The following MGST1 variants were observed in gnomAD, a reference collection of about 807,000 sequenced individuals.
MGST1 encodes glutathione S-transferase 12.
MGST1 carries 5 observed loss-of-function variants against 8.9 expected under a neutral mutation model. The ratio of observed to expected loss-of-function variants is 0.56; its 90% CI spans 0.29 to 1.19. The LOEUF is 1.19. MGST1 is among the 50% of genes most tolerant of loss of function. The pLI is 0.08. For missense variants in MGST1, 182 were observed against 187.4 expected, an observed-to-expected ratio of 0.97 and a Z score of 0.17; for synonymous variants, 54 against 67.8, an observed-to-expected ratio of 0.80 and a Z score of 1.00.
intron 4 of MGST1, among the ~76,000 whole-genome samples, chr12:16,465,901 A>G (rs1306272312): frequency 1.3e-5 from 2 of 151,924 alleles, no homozygotes; most frequent in African/African-American, 4.8e-5. Flanking sequence ...TTTGTTCCCA[A>G]CTCAGTTACA....
At chr12:16,368,554 G>A (rs553092064), downstream of MGST1, among the ~76,000 whole-genome samples, 12 of 152,226 alleles carry the variant, frequency 7.9e-5, no homozygotes, top group African/African-American at 2.6e-4. Flanking sequence ...CTTTCAGGGT[G>A]CTTTATTCAC....
chr12:16,533,208 C>T (rs1039293728), intron 4 of MGST1, among the ~76,000 whole-genome samples: 1 of 152,078 alleles, frequency 6.6e-6, no homozygotes, highest in African/African-American at 2.4e-5. Flanking sequence ...CATTTTTGTT[C>T]ATTTCACTAG....
At chr12:16,508,485 TACAG>T (rs1941555579) in intron 4 of MGST1, among the ~76,000 whole-genome samples, 1 of 152,228 alleles carries the variant, frequency 6.6e-6, no homozygotes, top group South Asian at 2.1e-4. Context: ...CCTGGTGCAG[TACAG>T]ACAGTTTATA....
intron 4 of MGST1, among the ~76,000 whole-genome samples, chr12:16,518,231 C>T (rs1379692671): frequency 6.6e-6 from 1 of 152,214 alleles, no homozygotes; most frequent in East Asian, 1.9e-4. Context: ...CACTTCCTCT[C>T]TTCCTGTGCT....
intron 4 of MGST1, among the ~76,000 whole-genome samples, chr12:16,469,689 T>C (rs1941280309): frequency 6.6e-6 from 1 of 152,240 alleles, no homozygotes; most frequent in South Asian, 2.1e-4. Context: ...TGGTCTTCAC[T>C]GTAAGAGAAG....
intron 1 of MGST1, among the ~76,000 whole-genome samples, chr12:16,388,706 CACTT>C (rs139269262): frequency 4.3e-4 from 65 of 152,294 alleles, no homozygotes; most frequent in Non-Finnish European, 8.5e-4. Context: ...ACACTGGAAA[CACTT>C]AGTGGAACCC....
chr12:16,380,551 CT>C (rs1427688595), downstream of MGST1, among the ~76,000 whole-genome samples: 1 of 152,088 alleles, frequency 6.6e-6, no homozygotes, highest in Non-Finnish European at 1.5e-5. Flanking sequence ...CTGAGGGGTG[CT>C]TTACTTCCAA....
At chr12:16,405,430 C>G (rs893907039) in intron 1 of MGST1, among the ~76,000 whole-genome samples, 13 of 151,700 alleles carry the variant, frequency 8.6e-5, no homozygotes, top group South Asian at 6.3e-4. Flanking sequence ...ATGAACAGCC[C>G]ACCAACCAAA....
At chr12:16,566,337 C>T (rs949418625) in intron 4 of MGST1, among the ~76,000 whole-genome samples, 1 of 151,642 alleles carries the variant, frequency 6.6e-6, no homozygotes, top group Non-Finnish European at 1.5e-5. Flanking sequence ...TGTTATTGCA[C>T]AGTAGGGTGA....
intron 4 of MGST1, among the ~76,000 whole-genome samples, chr12:16,516,745 C>T (rs2137185282): frequency 6.6e-6 from 1 of 152,170 alleles, no homozygotes; most frequent in East Asian, 1.9e-4. Context: ...TCAGAAATGA[C>T]CTCCCTGAGC....
At chr12:16,569,837 A>G (rs1402148344) in intron 4 of MGST1, among the ~76,000 whole-genome samples, 1 of 152,170 alleles carries the variant, frequency 6.6e-6, no homozygotes, top group Non-Finnish European at 1.5e-5. Flanking sequence ...AGTAAAATAA[A>G]GGATAACACA....
rs554444618 is a variant in MGST1 at position 16,537,441 on chromosome 12, C to T, written n.483-52087C>T. Among the ~76,000 whole-genome samples the T allele has an allele frequency of 1.3e-5, 2 of 152,266 alleles. No individual in the cohort carries two copies. Among genetic ancestry groups the T allele is most frequent in the Admixed American group, 6.5e-5 (1 of 15,294 alleles). On this transcript the variant is annotated intron_variant and non_coding_transcript_variant, in intron 4 of 4. Coordinates refer to the MGST1 transcript ENST00000538857. This position sits in a 1 kb window ranked among gnomAD's most constrained non-coding sequence, Gnocchi z 4.6. ...CATTCTGGGATCTGGAGCATGGTGG[C>T]CCTCTTCTCACAGCTCCACTAGGAG...
chr12:16,368,763 G>T (rs1177663025), downstream of MGST1, among the ~76,000 whole-genome samples: 2 of 152,088 alleles, frequency 1.3e-5, no homozygotes, highest in Admixed American at 1.3e-4. Context: ...AATTCAGAAA[G>T]CCCTGACAGC....
chr12:16,475,445 A>T (rs1217405695), intron 4 of MGST1, among the ~76,000 whole-genome samples: 1 of 152,218 alleles, frequency 6.6e-6, no homozygotes, highest in African/African-American at 2.4e-5. Context: ...TTATTAATAG[A>T]TTAATGATTC....
At chr12:16,528,597 A>G (rs1941703451) in intron 4 of MGST1, among the ~76,000 whole-genome samples, 1 of 152,024 alleles carries the variant, frequency 6.6e-6, no homozygotes, top group South Asian at 2.1e-4. Flanking sequence ...TTACTTTATA[A>G]TCATATTGTC....
chr12:16,560,508 GGCAGC>G lies in MGST1; in HGVS notation n.483-29015_483-29011del. The G allele has an allele frequency of 6.2e-7, 1 of 1,613,636 alleles. No individual in the cohort carries two copies. The highest frequency in any genetic ancestry group is 8.5e-7 in the Non-Finnish European group (1 of 1,179,808). On this transcript the variant is annotated intron_variant and non_coding_transcript_variant, in intron 4 of 4. Coordinates refer to the MGST1 transcript ENST00000538857. The surrounding 1 kb of genome is among the most constrained non-coding windows in gnomAD (Gnocchi z 5.0). ...CAAAGGCAGGGATGAGCTTACTACAGGCAGCGCAGTTTCCCGTTACACCAAAGAGC... is the reference window on the plus strand; with the variant it reads ...CAAAGGCAGGGATGAGCTTACTACAGGCAGTTTCCCGTTACACCAAAGAGC...
chr12:16,364,116 T>C lies in MGST1; in HGVS notation c.*75T>C. On this transcript the variant is annotated 3_prime_UTR_variant, in exon 4 of 4. Transcript: ENST00000396210. This position sits in a 1 kb window ranked among gnomAD's most constrained non-coding sequence, Gnocchi z 5.7. ...TTCCAATTTATAATGAATACTTTCT[T>C]AGATTTTAGGTAGGAGGGGAGCAGA... The C allele has an allele frequency of 6.7e-7, 1 of 1,497,074 alleles. No individual in the cohort carries two copies. Among genetic ancestry groups the C allele is most frequent in the South Asian group, 1.4e-5 (1 of 70,888 alleles). 92.7% of individuals were successfully genotyped at this position (1,497,074 alleles called of 1,614,324 possible). A position where few individuals can be genotyped will look rare whatever the true frequency, so the allele number is the denominator to read the frequency against.
chr12:16,570,082 C>T (rs1942762306), intron 4 of MGST1, among the ~76,000 whole-genome samples: 1 of 152,148 alleles, frequency 6.6e-6, no homozygotes, highest in South Asian at 2.1e-4. Context: ...GTTTCAGCCA[C>T]AGTACAATTA....
intron 4 of MGST1, among the ~76,000 whole-genome samples, chr12:16,539,498 A>G (rs1941780466): frequency 6.6e-6 from 1 of 152,104 alleles, no homozygotes; most frequent in South Asian, 2.1e-4. Context: ...TCCACAACAA[A>G]TGACCACCTC....
Sources: allele counts gnomAD v4.1 joint callset (sites outside exome capture counted in the v4.1 genomes callset), GRCh38; gene constraint gnomAD v4.1.1; non-coding constraint Gnocchi (gnomAD v3.1); transcripts MANE v1.5; gene names NCBI Gene and HGNC (gene_info 2026-07-23, HGNC 2026-07-21).